INTS1: variants seen among roughly 807,000 people sequenced by gnomAD.
The protein encoded by INTS1 is integrator complex subunit 1.
A neutral mutation model predicts 241.6 loss-of-function variants in INTS1; 137 were observed. That is an observed-to-expected ratio of 0.57 (90% CI 0.49 to 0.65). INTS1 has a LOEUF of 0.65. Among genes scored for constraint, INTS1 ranks in the 30% least tolerant of loss-of-function variants. The pLI, the probability that INTS1 is intolerant of heterozygous loss-of-function variation, is 0.00. For missense variants in INTS1, 3,073 were observed against 3,032.2 expected, an observed-to-expected ratio of 1.01 and a Z score of -0.32; for synonymous variants, 1,692 against 1,337.8, an observed-to-expected ratio of 1.26 and a Z score of -5.78.
intron 13 of INTS1, 114 bp from the exon 14 acceptor site, chr7:1,495,007 G>A (rs910639260): frequency 1.1e-5 from 14 of 1,238,166 alleles, no homozygotes; most frequent in African/African-American, 3.0e-5. Flanking sequence ...AGGCCGGGCT[G>A]CCTGGTGCCC....
chr7:1,471,371 G>C, intron 45 of INTS1, 147 bp from the exon 46 acceptor site: 1 of 1,028,236 alleles, frequency 9.7e-7, no homozygotes, highest in Non-Finnish European at 1.4e-6. Context: ...CCACTGGCCG[G>C]TCCCAGCCCG....
chr7:1,477,527 T>C lies in INTS1; in HGVS notation c.4938+23A>G, dbSNP rs376390145. Reference sequence around the variant, plus strand: ...GCCTTTACCCTGGGGTGGGTCCCCGTGCTGAAGCTGGGTGCCACCCACCTT... The same window carrying C: ...GCCTTTACCCTGGGGTGGGTCCCCGCGCTGAAGCTGGGTGCCACCCACCTT... On this transcript the variant is annotated intron_variant, in intron 35 of 47. Coordinates refer to ENST00000404767, the MANE Select transcript of INTS1 (RefSeq NM_001080453.3). 33 of 1,490,166 alleles carry C rather than the reference T, an allele frequency of 2.2e-5. No individual in the cohort carries two copies. The African/African-American group carries it at 4.5e-4, about 20-fold the overall frequency. 92.3% of individuals were successfully genotyped at this position (1,490,166 alleles called of 1,614,324 possible). A position where few individuals can be genotyped will look rare whatever the true frequency, so the allele number is the denominator to read the frequency against.
At position 1,481,232 on chromosome 7, in the gene INTS1, C is replaced by T. The variant is rs531340924; in HGVS notation, c.3850+110G>A. On this transcript the variant is annotated intron_variant, in intron 28 of 47. Transcript: ENST00000404767. This position sits in a 1 kb window ranked among gnomAD's most constrained non-coding sequence, Gnocchi z 6.8. ...GCCTGCCCTCGAGTGCCACCCACAC[C>T]CACCCGACCTCGGATCACCCACCCG... 115 of 1,274,426 alleles carry T rather than the reference C, an allele frequency of 9.0e-5. No homozygotes were observed. The East Asian group carries it at 2.6e-3, about 28-fold the overall frequency. The allele number at this position is 1,274,426 out of a possible 1,614,324, so 78.9% of individuals were successfully genotyped here. A position where few individuals can be genotyped will look rare whatever the true frequency, so the allele number is the denominator to read the frequency against.
Position 1,497,536 on chromosome 7 carries a change from G to A in INTS1, c.1426-222C>T, listed in dbSNP as rs953806025. 1.3e-5 allele frequency among the ~76,000 whole-genome samples: 2 copies of A among 152,242 alleles called. No individual in the cohort carries two copies. Among genetic ancestry groups the A allele is most frequent in the East Asian group, 1.9e-4 (1 of 5,148 alleles). On this transcript the variant is annotated intron_variant, in intron 10 of 47. Coordinates refer to ENST00000404767, the MANE Select transcript of INTS1 (RefSeq NM_001080453.3). The surrounding 1 kb of genome is among the most constrained non-coding windows in gnomAD (Gnocchi z 5.3). ...TCTGAGAACCGGCAGGTGGGGAGTCGGTCCTCGTGAAATGAGGAGGATTAA... is the reference window on the plus strand; with the variant it reads ...TCTGAGAACCGGCAGGTGGGGAGTCAGTCCTCGTGAAATGAGGAGGATTAA...
intron 24 of INTS1, among the ~76,000 whole-genome samples, chr7:1,484,409 C>T (rs1439357137): frequency 3.3e-5 from 5 of 152,194 alleles, no homozygotes; most frequent in African/African-American, 1.2e-4. Context: ...TGAAAGCGGA[C>T]GCTGCTGCCC....
chr7:1,489,682 C>A lies in INTS1; in HGVS notation c.2166G>T (p.Gly722=). The part of the protein sequence containing the change: ...HHPENIQLPP[G]YQPPNLAIST... ...AGATGGCGAGGTTCGGAGGCTGGTACCTGGAAGGCAGGGGCGCCCCGACTC... is the reference window on the plus strand; with the variant it reads ...AGATGGCGAGGTTCGGAGGCTGGTAACTGGAAGGCAGGGGCGCCCCGACTC... Residue 722 remains glycine, a splice_region_variant and synonymous_variant, in exon 17 of 48, where the codon GGG becomes GGT. Coordinates refer to ENST00000404767, the MANE Select transcript of INTS1 (RefSeq NM_001080453.3). The A allele has an allele frequency of 6.5e-7, 1 of 1,536,246 alleles. No individual in the cohort carries two copies. Among genetic ancestry groups the A allele is most frequent in the Non-Finnish European group, 8.8e-7 (1 of 1,139,746 alleles).
Position 1,473,630 on chromosome 7 carries a change from T to C in INTS1, c.5893A>G (p.Lys1965Glu). The C allele has an allele frequency of 1.2e-6, 2 of 1,613,246 alleles. No individual in the cohort carries two copies. The highest frequency in any genetic ancestry group is 1.7e-4 in the Middle Eastern group (1 of 6,060). ...FINKFVQFIH[K>E]YITYNAPAAI... ...GCTGGGGCATTGTAGGTAATGTACT[T>C]ATGGATGAACTGCACAAACTTGTTG... Residue 1965 changes from lysine to glutamate, a missense_variant, in exon 42 of 48, where the codon AAG becomes GAG. Coordinates refer to ENST00000404767, the MANE Select transcript of INTS1 (RefSeq NM_001080453.3).
chr7:1,484,403 A>G (rs1782149203), intron 24 of INTS1, among the ~76,000 whole-genome samples: 1 of 152,210 alleles, frequency 6.6e-6, no homozygotes, highest in Non-Finnish European at 1.5e-5. Flanking sequence ...AGGCCCTGAA[A>G]GCGGACGCTG....
chr7:1,479,621 G>A lies in INTS1; in HGVS notation c.4138C>T (p.Leu1380=), dbSNP rs759946985. The A allele has an allele frequency of 6.6e-7, 1 of 1,525,158 alleles. No individual in the cohort carries two copies. Among genetic ancestry groups the A allele is most frequent in the Admixed American group, 2.0e-5 (1 of 48,954 alleles). 94.5% of individuals were successfully genotyped at this position (1,525,158 alleles called of 1,614,324 possible). Residue 1380 remains leucine (L), a synonymous_variant, in exon 31 of 48, where the codon CTG becomes TTG. Transcript: ENST00000404767. ...SSSPRPVALA[L]QQALGQELAR... ...AGCTCCTGGCCCAGGGCCTGCTGCA[G>A]GGCGAGGGCCACGGGGCGGGGACTG... is the stretch of plus-strand genomic sequence containing the variant.
chr7:1,472,231 C>T (rs1584254176), intron 44 of INTS1, 42 bp downstream of exon 44: 2 of 1,447,608 alleles, frequency 1.4e-6, no homozygotes, highest in East Asian at 4.9e-5. Flanking sequence ...CCATGGGACC[C>T]AGGGCGCTGA....
Position 1,487,401 on chromosome 7 carries a change from G to A in INTS1, c.2565C>T (p.Ser855=). ...PPPHILDQVK[S]LNQSLRLGHL... ...GCCCGAGGCGGAGGGACTGGTTGAGGCTTTTCACTTGATCCAGGATGTGAG... is the reference window on the plus strand; with the variant it reads ...GCCCGAGGCGGAGGGACTGGTTGAGACTTTTCACTTGATCCAGGATGTGAG... Residue 855 remains serine, a synonymous_variant, in exon 20 of 48, where the codon AGC becomes AGT. Coordinates refer to ENST00000404767, the MANE Select transcript of INTS1 (RefSeq NM_001080453.3). 1 of 1,612,174 alleles carries A rather than the reference G, an allele frequency of 6.2e-7. No homozygotes were observed. Among genetic ancestry groups the A allele is most frequent in the Non-Finnish European group, 8.5e-7 (1 of 1,179,512 alleles).
rs1480396830 is a variant in INTS1, at chr7:1,485,399, T to A, written c.3047A>T (p.Asp1016Val). Residue 1016 changes from aspartate to valine, a missense_variant, in exon 23 of 48, where the codon GAT (aspartate) becomes GTT (valine). Coordinates refer to ENST00000404767, the MANE Select transcript of INTS1 (RefSeq NM_001080453.3). ...GEEKEPPMEE[D>V]VGDTDVLQGY... ...CTGCAGCACATCTGTGTCCCCCACA[T>A]CCTCCTCCATGGGGGGCTCCTTCTC... 6.2e-7 allele frequency: 1 copy of A among 1,612,642 alleles called. No individual in the cohort carries two copies. Among genetic ancestry groups the A allele is most frequent in the Non-Finnish European group, 8.5e-7 (1 of 1,179,740 alleles).
chr7:1,504,295 G>A (rs922597482), intron 1 of INTS1, 28 bp downstream of exon 1: 6 of 552,754 alleles, frequency 1.1e-5, no homozygotes, highest in Admixed American at 4.6e-5. Context: ...CCGGCAATGA[G>A]GAAGCGCCCA....
rs1782000213 is a variant in INTS1 at position 1,481,582 on chromosome 7, C to A, written c.3704-94G>T. 2 of 1,357,878 alleles carry A rather than the reference C, an allele frequency of 1.5e-6. No individual in the cohort carries two copies. The highest frequency in any genetic ancestry group is 2.0e-6 in the Non-Finnish European group (2 of 1,019,512). The allele number at this position is 1,357,878 out of a possible 1,614,324, so 84.1% of individuals were successfully genotyped here. On this transcript the variant is annotated intron_variant, in intron 27 of 47. Coordinates refer to ENST00000404767, the MANE Select transcript of INTS1 (RefSeq NM_001080453.3). The surrounding 1 kb of genome is among the most constrained non-coding windows in gnomAD (Gnocchi z 6.8). ...ACCTGGGGCTGCCTGTGTGCAGTGA[C>A]CCCACCCACCTGAGACCCTGGGCCA...
intron 27 of INTS1, among the ~76,000 whole-genome samples, chr7:1,482,020 C>A (rs1042512504): frequency 7.9e-5 from 12 of 152,246 alleles, no homozygotes; most frequent in African/African-American, 2.9e-4. Context: ...CGGTGGCTTC[C>A]GGGGGCACAC....
Position 1,472,290 on chromosome 7 carries a change from CGGG to C in INTS1, c.6164_6166del (p.Ser2055_Arg2056delinsTrp). On this transcript the variant is annotated inframe_deletion, in exon 44 of 48. Transcript: ENST00000404767. ...TGACTCACCCTCCACCGTTTGGCCC[CGGG>C]AAAGCCGTTTCATGTAGGGGGCCAT... 6.4e-7 allele frequency: 1 copy of C among 1,556,676 alleles called. No individual in the cohort carries two copies. Among genetic ancestry groups the C allele is most frequent in the South Asian group, 1.2e-5 (1 of 84,452 alleles).
chr7:1,485,436 G>T lies in INTS1; in HGVS notation c.3010C>A (p.Arg1004=). Residue 1004 remains arginine (R), a synonymous_variant, in exon 23 of 48, where the codon CGG becomes AGG. Transcript: ENST00000404767. ...LSLVLSEGSL[R]DGEEKEPPME... is the part of the protein sequence containing the mutation. ...GGGGGCTCCTTCTCCTCCCCGTCCCGCAGGCTGCCCTCCGAAAGCACCAGC... is the reference window on the plus strand; with the variant it reads ...GGGGGCTCCTTCTCCTCCCCGTCCCTCAGGCTGCCCTCCGAAAGCACCAGC... 1 of 1,612,630 alleles carries T rather than the reference G, an allele frequency of 6.2e-7. No homozygotes were observed. The highest frequency in any genetic ancestry group is 1.1e-5 in the South Asian group (1 of 91,074).
chr7:1,503,128 G>A lies in INTS1; in HGVS notation c.122C>T (p.Thr41Met), dbSNP rs765155346. The A allele has an allele frequency of 8.8e-6, 14 of 1,595,628 alleles. No homozygotes were observed. Among genetic ancestry groups the A allele is most frequent in the East Asian group, 2.2e-5 (1 of 44,514 alleles). The change falls in exon 3 of 48, where the codon ACG becomes ATG. Residue 41 changes from threonine (T) to methionine (M), a missense_variant. Physicochemically the swap from Thr to Met is moderately conservative, Grantham distance 81. Transcript: ENST00000404767. ...GSKGQANESK[T>M]ASTLLKPAPS... Reference sequence around the variant, plus strand: ...GGCTGGCTTCAGCAGGGTGGACGCCGTTTTCGATTCATTGGCCTGACCCTT... The same window carrying A: ...GGCTGGCTTCAGCAGGGTGGACGCCATTTTCGATTCATTGGCCTGACCCTT...
chr7:1,472,432 GTGCCACACTGAGGCACCAGGACC>G, intron 43 of INTS1, 46 bp from the exon 44 acceptor site: 1 of 1,358,814 alleles, frequency 7.4e-7, no homozygotes. Flanking sequence ...GCGGCAGGAC[GTGCCACACTGAGGCACCAGGACC>G]TGCCCTCCCG....
Sources: allele counts gnomAD v4.1 joint callset (sites outside exome capture counted in the v4.1 genomes callset), GRCh38; gene constraint gnomAD v4.1.1; non-coding constraint Gnocchi (gnomAD v3.1); transcripts MANE v1.5; gene names NCBI Gene and HGNC (gene_info 2026-07-23, HGNC 2026-07-21).